The following LRRTM4 variants were observed in gnomAD, a reference collection of about 807,000 sequenced individuals.
LRRTM4 encodes leucine rich repeat transmembrane neuronal 4.
LRRTM4 carries 25 observed loss-of-function variants against 47.6 expected under a neutral mutation model. That is an observed-to-expected ratio of 0.53 (90% CI 0.38 to 0.73). LRRTM4 has a LOEUF of 0.73. Among genes scored for constraint, LRRTM4 ranks in the 30% least tolerant of loss-of-function variants. The pLI is 0.00. For synonymous variants in LRRTM4, 311 were observed against 269.5 expected (o/e 1.15, Z -1.51); for missense variants, 638 against 713.4 (o/e 0.89, Z 1.20).
chr2:77,177,382 C>T (rs1009764010), intron 3 of LRRTM4, among the ~76,000 whole-genome samples: 1 of 152,066 alleles, frequency 6.6e-6, no homozygotes, highest in African/African-American at 2.4e-5. Flanking sequence ...GTCTTAGGAC[C>T]ACGTTTAGAA....
intron 3 of LRRTM4, among the ~76,000 whole-genome samples, chr2:77,041,988 T>G (rs1207933129): frequency 6.7e-6 from 1 of 148,740 alleles, no homozygotes; most frequent in Non-Finnish European, 1.5e-5. Context: ...ATGTTCCAAA[T>G]TTAAAAAACA....
intron 3 of LRRTM4, among the ~76,000 whole-genome samples, chr2:77,079,835 T>A (rs1340317960): frequency 1.3e-5 from 2 of 152,072 alleles, no homozygotes; most frequent in Non-Finnish European, 2.9e-5. Flanking sequence ...TCTTTTACTT[T>A]TTTTTAGTTT....
intron 3 of LRRTM4, among the ~76,000 whole-genome samples, chr2:76,985,356 G>C (rs1273559433): frequency 1.3e-5 from 2 of 151,936 alleles, no homozygotes; most frequent in East Asian, 3.9e-4. Context: ...TAAAAAGAAC[G>C]ATTCACAGAG....
chr2:77,020,007 A>T (rs1360466868), intron 3 of LRRTM4, among the ~76,000 whole-genome samples: 1 of 152,086 alleles, frequency 6.6e-6, no homozygotes, highest in Non-Finnish European at 1.5e-5. Context: ...AATAGTTGGA[A>T]AATTTATCTC....
intron 3 of LRRTM4, among the ~76,000 whole-genome samples, chr2:77,001,096 T>C (rs1438512509): frequency 6.6e-6 from 1 of 152,200 alleles, no homozygotes; most frequent in Non-Finnish European, 1.5e-5. Flanking sequence ...ACTAAAGTTA[T>C]CCTGCCTTGT....
intron 3 of LRRTM4, among the ~76,000 whole-genome samples, chr2:77,044,704 C>T (rs926546730): frequency 2.0e-5 from 3 of 151,200 alleles, no homozygotes; most frequent in Non-Finnish European, 4.4e-5. Flanking sequence ...TATATATACA[C>T]CATACATTTA....
intron 3 of LRRTM4, among the ~76,000 whole-genome samples, chr2:77,267,160 C>G (rs908204815): frequency 1.3e-5 from 2 of 152,032 alleles, no homozygotes; most frequent in African/African-American, 4.8e-5. Context: ...GAAAATGAAG[C>G]AATTGAAATC....
At chr2:77,372,575 T>C (rs1412593782) in intron 3 of LRRTM4, among the ~76,000 whole-genome samples, 4 of 151,762 alleles carry the variant, frequency 2.6e-5, no homozygotes, top group African/African-American at 9.7e-5. Flanking sequence ...GTACTAGGCA[T>C]TGTGGTCTGG....
chr2:77,264,023 T>A (rs1323277857), intron 3 of LRRTM4, among the ~76,000 whole-genome samples: 1 of 151,978 alleles, frequency 6.6e-6, no homozygotes, highest in South Asian at 2.1e-4. Context: ...TTTTTTTTAA[T>A]AGAATTTTAT....
At chr2:77,476,445 G>C (rs1488649237) in intron 3 of LRRTM4, among the ~76,000 whole-genome samples, 1 of 151,934 alleles carries the variant, frequency 6.6e-6, no homozygotes, top group East Asian at 1.9e-4. Flanking sequence ...GCCATACATT[G>C]ATTTTTTTGT....
At chr2:77,237,035 C>T (rs544335623) in intron 3 of LRRTM4, among the ~76,000 whole-genome samples, 1 of 151,912 alleles carries the variant, frequency 6.6e-6, no homozygotes, top group African/African-American at 2.4e-5. Context: ...ATGCTGGCTT[C>T]ATGGAATAAG....
At chr2:76,829,750 G>C (rs1409083521) in intron 3 of LRRTM4, among the ~76,000 whole-genome samples, 1 of 151,958 alleles carries the variant, frequency 6.6e-6, no homozygotes, top group East Asian at 1.9e-4. Context: ...GAATGTACAA[G>C]CAATGTATTC....
intron 3 of LRRTM4, among the ~76,000 whole-genome samples, chr2:77,433,971 A>T (rs1675487205): frequency 6.6e-6 from 1 of 152,194 alleles, no homozygotes. Context: ...TACACAAGTT[A>T]TGGGATTTGA....
At chr2:77,244,879 C>G (rs144516872) in intron 3 of LRRTM4, among the ~76,000 whole-genome samples, 64 of 152,230 alleles carry the variant, frequency 4.2e-4, no homozygotes, top group Middle Eastern at 3.4e-3. Context: ...GAAAACAAAT[C>G]CTGGCAACAT....
At chr2:77,275,032 CT>C (rs1676304985) in intron 3 of LRRTM4, among the ~76,000 whole-genome samples, 1 of 151,850 alleles carries the variant, frequency 6.6e-6, no homozygotes, top group African/African-American at 2.4e-5. Context: ...AAACTACACG[CT>C]GTCCAAATGT....
chr2:76,843,450 C>T (rs1301600713), intron 3 of LRRTM4, among the ~76,000 whole-genome samples: 1 of 152,106 alleles, frequency 6.6e-6, no homozygotes, highest in Admixed American at 6.6e-5. Flanking sequence ...TTTTCAAGCT[C>T]ATTTAACAGA....
intron 3 of LRRTM4, among the ~76,000 whole-genome samples, chr2:76,916,120 A>G (rs1274670674): frequency 1.3e-5 from 2 of 152,162 alleles, no homozygotes; most frequent in East Asian, 1.9e-4. Context: ...TAAAATATAC[A>G]TAGAATATAA....
At chr2:77,441,988 A>C (rs1474353275) in intron 3 of LRRTM4, among the ~76,000 whole-genome samples, 1 of 152,198 alleles carries the variant, frequency 6.6e-6, no homozygotes, top group Non-Finnish European at 1.5e-5. Flanking sequence ...GAAAAACAAA[A>C]CAAGGCAATG....
intron 3 of LRRTM4, among the ~76,000 whole-genome samples, chr2:77,292,322 T>C (rs2104133066): frequency 6.6e-6 from 1 of 151,480 alleles, no homozygotes; most frequent in African/African-American, 2.4e-5. Context: ...AGAAATACCA[T>C]TTGACCCAGC....
Sources: allele counts gnomAD v4.1 joint callset (sites outside exome capture counted in the v4.1 genomes callset), GRCh38; gene constraint gnomAD v4.1.1; transcripts MANE v1.5; gene names NCBI Gene and HGNC (gene_info 2026-07-23, HGNC 2026-07-21).